The following ADAM28 variants were observed in gnomAD, a reference collection of about 807,000 sequenced individuals.
ADAM28 encodes the protein ADAM metallopeptidase domain 28.
A neutral mutation model predicts 101.2 loss-of-function variants in ADAM28; 105 were observed. That is an observed-to-expected ratio of 1.04 (90% confidence interval 0.89 to 1.22). The LOEUF is 1.22. Ranked by LOEUF, ADAM28 falls within the 50% of genes most tolerant of loss-of-function variation. The probability of loss-of-function intolerance (pLI) is 0.00; values close to 1 mark genes in which losing one functional copy is unlikely to be tolerated. For synonymous variants in ADAM28, 322 were observed against 310.6 expected, an observed-to-expected ratio of 1.04 and a Z score of -0.39; for missense variants, 1,028 against 945.4, an observed-to-expected ratio of 1.09 and a Z score of -1.15.
At position 24,330,081 on chromosome 8, in the gene ADAM28, CCTT is replaced by C; in HGVS notation, c.1072_1074del (p.Ser358del). On this transcript the variant is annotated inframe_deletion, in exon 11 of 23. Coordinates refer to ENST00000265769, the MANE Select transcript of ADAM28 (RefSeq NM_014265.6). ...TCATGACGACTATTCTTGCAAGTGTCCTTCTACAATATGTGTGATGGACAAAGC... is the reference window on the plus strand; with the variant it reads ...TCATGACGACTATTCTTGCAAGTGTCCTACAATATGTGTGATGGACAAAGC... 1 of 1,613,614 alleles carries C rather than the reference CCTT, an allele frequency of 6.2e-7. No individual in the cohort carries two copies.
At chr8:24,303,847 G>A (rs1178189311) in intron 2 of ADAM28, among the ~76,000 whole-genome samples, 3 of 151,968 alleles carry the variant, frequency 2.0e-5, no homozygotes, top group Non-Finnish European at 4.4e-5. Context: ...TCCTTGAAGA[G>A]GTCCTTCACT....
intron 8 of ADAM28, chr8:24,322,807 G>A: frequency 6.6e-6 from 1 of 151,838 alleles, no homozygotes; most frequent in East Asian, 1.9e-4. Context: ...TTTTTTAAAA[G>A]AAATATTTAA....
At chr8:24,339,385 C>T (rs11994522) in intron 14 of ADAM28, 81 bp from the exon 15 acceptor site, 188,833 of 1,134,286 alleles carry the variant, frequency 0.17, 16,956 homozygotes, top group East Asian at 0.36. Flanking sequence ...AGCACTGAAT[C>T]TTTAAAATCT....
chr8:24,338,635 A>C (rs1814389052), intron 14 of ADAM28, among the ~76,000 whole-genome samples: 1 of 152,228 alleles, frequency 6.6e-6, no homozygotes, highest in African/African-American at 2.4e-5. Flanking sequence ...TTCGTTTAAA[A>C]GTATTTCTTA....
chr8:24,327,183 G>A lies in ADAM28; in HGVS notation c.972+548G>A, dbSNP rs529423629. Among the ~76,000 whole-genome samples the A allele has an allele frequency of 9.2e-4, 140 of 152,212 alleles. 2 individuals carry two copies. The highest frequency in any genetic ancestry group is 1.7e-3 in the Non-Finnish European group (116 of 67,978). On this transcript the variant is annotated intron_variant, in intron 10 of 22. Coordinates refer to ENST00000265769, the MANE Select transcript of ADAM28 (RefSeq NM_014265.6). Reference sequence around the variant, plus strand: ...GCCAAAAATATCCTTAAGCTGGTAAGCAACTCCAGCAGTCTCAGGATACAC... The same window carrying A: ...GCCAAAAATATCCTTAAGCTGGTAAACAACTCCAGCAGTCTCAGGATACAC...
chr8:24,314,755 G>C (rs1259906238), intron 6 of ADAM28, among the ~76,000 whole-genome samples: 2 of 151,590 alleles, frequency 1.3e-5, no homozygotes, highest in Admixed American at 1.3e-4. Context: ...ATAATAATTT[G>C]TTAAGAAATA....
chr8:24,332,788 AT>A (rs1655201323), intron 13 of ADAM28, 39 bp downstream of exon 13: 1 of 1,096,560 alleles, frequency 9.1e-7, no homozygotes. Context: ...TTATGATTAC[AT>A]TTTTATACAT....
Position 24,352,039 on chromosome 8 carries a change from C to T in ADAM28, c.2231C>T (p.Pro744Leu). Residue 744 changes from proline (P) to leucine (L), a missense_variant, in exon 21 of 23, where the codon CCC becomes CTC. Transcript: ENST00000265769. ...VYDLPVEGNE[P>L]PASFHKDTNA... is the part of the protein sequence containing the mutation. ...GATCTGCCAGTAGAAGGCAATGAGC[C>T]CCCAGCCTCTTTTGTGAGTTAGCAA... 1 of 1,613,678 alleles carries T rather than the reference C, an allele frequency of 6.2e-7. No homozygotes were observed. The highest frequency in any genetic ancestry group is 1.1e-5 in the South Asian group (1 of 91,066).
chr8:24,349,772 T>C (rs776563400), intron 18 of ADAM28, 92 bp from the exon 19 acceptor site: 8 of 910,072 alleles, frequency 8.8e-6, no homozygotes, highest in Non-Finnish European at 1.4e-5. Flanking sequence ...AAAGGGTAGC[T>C]GGAATATGTG....
At chr8:24,297,749 G>A (rs1808167534) in intron 1 of ADAM28, among the ~76,000 whole-genome samples, 1 of 152,082 alleles carries the variant, frequency 6.6e-6, no homozygotes, top group Non-Finnish European at 1.5e-5. Context: ...ATTTCTGGCA[G>A]GAGTAATTTT....
chr8:24,352,107 G>T (rs183377748), intron 21 of ADAM28, 55 bp downstream of exon 21: 1 of 1,485,366 alleles, frequency 6.7e-7, no homozygotes, highest in South Asian at 1.1e-5. Context: ...AGGAAATATC[G>T]GTGAAAGTCA....
rs36041430 is a variant in ADAM28 at position 24,341,705 on chromosome 8, C to A, written c.1778C>A (p.Thr593Lys). The A allele has an allele frequency of 0.043, 68,676 of 1,613,632 alleles. 2,750 individuals are homozygous for A. Among genetic ancestry groups the A allele is most frequent in the African/African-American group, 0.18 (13,817 of 74,916 alleles). The change falls in exon 16 of 23, where the codon ACA becomes AAA. Residue 593 changes from threonine (T) to lysine (K), a missense_variant. By Grantham distance (78) the Thr-to-Lys change is moderately conservative (BLOSUM62 -1). Coordinates refer to ENST00000265769, the MANE Select transcript of ADAM28 (RefSeq NM_014265.6). ...LTCKTFDPED[T>K]SQEIGMVANG... ...TGTAAAACATTTGATCCTGAAGACA[C>A]AAGTCAAGAAATAGGCATGGTGGCC...
chr8:24,335,486 A>C lies in ADAM28; in HGVS notation c.1412A>C (p.Glu471Ala). The change falls in exon 14 of 23, where the codon GAG becomes GCG. Residue 471 changes from glutamate (E) to alanine (A), a missense_variant. Coordinates refer to ENST00000265769, the MANE Select transcript of ADAM28 (RefSeq NM_014265.6). The part of the protein sequence containing the change: ...AGMVCRPAKD[E>A]CDLPEMCNGK... Reference sequence around the variant, plus strand: ...ATGGTGTGCAGACCAGCAAAAGATGAGTGCGACCTGCCTGAAATGTGTAAT... The same window carrying C: ...ATGGTGTGCAGACCAGCAAAAGATGCGTGCGACCTGCCTGAAATGTGTAAT... 1 of 1,614,022 alleles carries C rather than the reference A, an allele frequency of 6.2e-7. No homozygotes were observed. Among genetic ancestry groups the C allele is most frequent in the East Asian group, 2.2e-5 (1 of 44,876 alleles).
chr8:24,319,791 CA>C (rs1380887229), intron 6 of ADAM28, among the ~76,000 whole-genome samples: 1 of 151,682 alleles, frequency 6.6e-6, no homozygotes, highest in Non-Finnish European at 1.5e-5. Context: ...GGTGTCTCTG[CA>C]TTGCACCATT....
At chr8:24,300,411 T>C (rs186923431) in intron 2 of ADAM28, among the ~76,000 whole-genome samples, 64 of 152,046 alleles carry the variant, frequency 4.2e-4, no homozygotes, top group African/African-American at 1.0e-3. Context: ...AGTAAATTTG[T>C]TTTTTGTTTT....
At chr8:24,344,966 G>C (rs1029262930) in intron 18 of ADAM28, among the ~76,000 whole-genome samples, 1 of 150,128 alleles carries the variant, frequency 6.7e-6, no homozygotes, top group Admixed American at 6.6e-5. Context: ...GATTGAATTT[G>C]ATTTTTTAAA....
chr8:24,352,202 T>C, intron 21 of ADAM28, 150 bp downstream of exon 21: 1 of 782,458 alleles, frequency 1.3e-6, no homozygotes, highest in Non-Finnish European at 2.0e-6. Context: ...TTCTGCAAAA[T>C]ATTTTGAAAA....
chr8:24,306,138 A>T (rs1430911894), intron 2 of ADAM28, among the ~76,000 whole-genome samples: 1 of 151,626 alleles, frequency 6.6e-6, no homozygotes, highest in Non-Finnish European at 1.5e-5. Flanking sequence ...GAGTTAAGAG[A>T]CTAGTCCGAC....
rs370816667 is a variant in ADAM28, at chr8:24,332,646, C to T, written c.1282-14C>T. On this transcript the variant is annotated splice_polypyrimidine_tract_variant and intron_variant, in intron 12 of 22. Coordinates refer to ENST00000265769, the MANE Select transcript of ADAM28 (RefSeq NM_014265.6). ...AGTAATGTTGCATTTACATTTGTTTCTCATATTTCTTAGGAATGTACCAAT... is the reference window on the plus strand; with the variant it reads ...AGTAATGTTGCATTTACATTTGTTTTTCATATTTCTTAGGAATGTACCAAT... The T allele has an allele frequency of 7.0e-7, 1 of 1,425,514 alleles. No individual in the cohort carries two copies. The highest frequency in any genetic ancestry group is 2.1e-5 in the Admixed American group (1 of 46,970). The allele number at this position is 1,425,514 out of a possible 1,614,324, so 88.3% of individuals were successfully genotyped here.
Sources: allele counts gnomAD v4.1 joint callset (sites outside exome capture counted in the v4.1 genomes callset), GRCh38; gene constraint gnomAD v4.1.1; transcripts MANE v1.5; gene names NCBI Gene and HGNC (gene_info 2026-07-23, HGNC 2026-07-21).